The following CEP89 variants were observed in gnomAD, a reference collection of about 807,000 sequenced individuals.
CEP89 encodes the protein centrosomal protein of 89 kDa.
CEP89 carries 95 observed loss-of-function variants against 97.6 expected under a neutral mutation model. The ratio of observed to expected loss-of-function variants is 0.97; its 90% CI spans 0.82 to 1.15. The LOEUF (loss-of-function observed/expected upper bound fraction) is 1.15. Among genes scored for constraint, CEP89 ranks in the 50% most tolerant of loss-of-function variants. The probability of loss-of-function intolerance (pLI) is 0.00; values close to 1 mark genes in which losing one functional copy is unlikely to be tolerated. For missense variants in CEP89, 869 were observed against 947.7 expected (o/e 0.92, Z 1.09); for synonymous variants, 354 against 349.1 (o/e 1.01, Z -0.16).
chr19:32,933,641 A>G lies in CEP89; in HGVS notation c.696T>C (p.Tyr232=), dbSNP rs753975093. The part of the protein sequence containing the change: ...PDITGRARQR[Y]TEITREKFEA... ...CAAACTTTTCTCTGGTTATTTCTGT[A>G]TATCTTTGACGTGCTCTACCAGTTA... Residue 232 remains tyrosine (Y), a synonymous_variant, in exon 8 of 19, where the codon TAT becomes TAC. Transcript: ENST00000305768. 8.7e-6 allele frequency: 14 copies of G among 1,611,972 alleles called. No individual in the cohort carries two copies. The South Asian group carries it at 1.2e-4, about 14-fold the overall frequency.
intron 4 of CEP89, among the ~76,000 whole-genome samples, chr19:32,950,693 G>C (rs1450908388): frequency 6.6e-6 from 1 of 152,156 alleles, no homozygotes; most frequent in Non-Finnish European, 1.5e-5. Flanking sequence ...ATACCCACCA[G>C]AAATACACAA....
chr19:32,915,631 A>C (rs189373385), intron 13 of CEP89, 114 bp from the exon 14 acceptor site: 16 of 1,017,364 alleles, frequency 1.6e-5, no homozygotes, highest in Non-Finnish European at 2.2e-5. Flanking sequence ...CCTTTTAAAG[A>C]TCTTTTGAGC....
chr19:32,956,964 G>A (rs1387934831), intron 3 of CEP89, among the ~76,000 whole-genome samples: 1 of 152,082 alleles, frequency 6.6e-6, no homozygotes, highest in African/African-American at 2.4e-5. Context: ...TGACTTAGGC[G>A]AGGCTCAAAG....
intron 17 of CEP89, 70 bp from the exon 18 acceptor site, chr19:32,882,083 T>C: frequency 7.4e-7 from 1 of 1,351,108 alleles, no homozygotes; most frequent in Non-Finnish European, 1.0e-6. Context: ...CTCCTGGCTG[T>C]GCTCCCTACC....
chr19:32,938,099 A>G (rs1412794354), intron 6 of CEP89, among the ~76,000 whole-genome samples: 3 of 151,456 alleles, frequency 2.0e-5, no homozygotes, highest in Non-Finnish European at 4.4e-5. Context: ...TGGTCTCCCA[A>G]CATGCTGGGA....
chr19:32,963,653 G>A (rs1363508526), intron 2 of CEP89: 1 of 152,246 alleles, frequency 6.6e-6, no homozygotes, highest in Non-Finnish European at 1.5e-5. Flanking sequence ...AATTTTCCAT[G>A]AAAGAGCTAG....
Position 32,901,186 on chromosome 19 carries a change from C to A in CEP89, c.1733+59G>T, listed in dbSNP as rs969676098. On this transcript the variant is annotated intron_variant, in intron 15 of 18. Transcript: ENST00000305768. ...CAGGAGTGAGCCACTGTACCCAGAC[C>A]ATTTGTCTTTTTTAACTATTGAAAA... 2.3e-5 allele frequency: 35 copies of A among 1,535,934 alleles called. No homozygotes were observed. The East Asian group carries it at 7.4e-4, about 33-fold the overall frequency.
intron 6 of CEP89, among the ~76,000 whole-genome samples, chr19:32,938,002 A>ATTT (rs35418144): frequency 8.4e-6 from 1 of 119,306 alleles, no homozygotes; most frequent in Non-Finnish European, 1.7e-5. Flanking sequence ...ATCACACCTA[A>ATTT]TTTTTTTTTT....
chr19:32,938,896 G>A (rs1240372689), intron 6 of CEP89, among the ~76,000 whole-genome samples: 1 of 152,176 alleles, frequency 6.6e-6, no homozygotes, highest in African/African-American at 2.4e-5. Flanking sequence ...GTTGCAGTGA[G>A]CCGAGACTGC....
chr19:32,908,758 T>A (rs1325253390), intron 14 of CEP89, among the ~76,000 whole-genome samples: 1 of 152,154 alleles, frequency 6.6e-6, no homozygotes, highest in Non-Finnish European at 1.5e-5. Flanking sequence ...CACTGATTTA[T>A]CAGCAAAGCA....
chr19:32,903,882 C>T (rs181503064), intron 14 of CEP89, among the ~76,000 whole-genome samples: 4 of 152,122 alleles, frequency 2.6e-5, no homozygotes, highest in African/African-American at 9.7e-5. Context: ...CCATGCTGGC[C>T]GGGTGTGGGG....
intron 3 of CEP89, among the ~76,000 whole-genome samples, chr19:32,954,082 C>T (rs1970996261): frequency 6.6e-6 from 1 of 151,846 alleles, no homozygotes; most frequent in Non-Finnish European, 1.5e-5. Flanking sequence ...ACCCTGTTAG[C>T]CACGGTGGTC....
At chr19:32,960,109 G>C in intron 2 of CEP89, 51 bp from the exon 3 acceptor site, 2 of 1,598,058 alleles carry the variant, frequency 1.3e-6, no homozygotes, top group Non-Finnish European at 1.7e-6. Context: ...CATTCCAGGT[G>C]AATGCTGAAC....
At chr19:32,931,936 C>T (rs1332810485) in intron 8 of CEP89, among the ~76,000 whole-genome samples, 1 of 152,194 alleles carries the variant, frequency 6.6e-6, no homozygotes, top group Non-Finnish European at 1.5e-5. Context: ...AATCCCAGCA[C>T]TTTGGGAGGC....
chr19:32,937,712 A>G (rs1266685031), intron 6 of CEP89, 39 bp from the exon 7 acceptor site: 12 of 1,508,424 alleles, frequency 8.0e-6, no homozygotes, highest in Non-Finnish European at 1.1e-5. Flanking sequence ...AGTGCAGAGC[A>G]TTAGTGTTTT....
chr19:32,921,534 C>T (rs187188416), intron 12 of CEP89, among the ~76,000 whole-genome samples: 62 of 152,316 alleles, frequency 4.1e-4, no homozygotes, highest in Non-Finnish European at 7.3e-4. Context: ...GGGAACACTG[C>T]GGGGCTGTGG....
intron 5 of CEP89, among the ~76,000 whole-genome samples, chr19:32,944,735 A>T (rs1970760857): frequency 6.6e-6 from 1 of 152,234 alleles, no homozygotes; most frequent in African/African-American, 2.4e-5. Flanking sequence ...GTCCACGAGC[A>T]TGAATTTGGC....
rs570077988 is a variant in CEP89, at chr19:32,908,445, T to C, written c.1565+6892A>G. 2.4e-4 allele frequency among the ~76,000 whole-genome samples: 37 copies of C among 152,308 alleles called. 2 individuals are homozygous for C. The South Asian group carries it at 6.4e-3, about 26-fold the overall frequency. On this transcript the variant is annotated intron_variant, in intron 14 of 18. Transcript: ENST00000305768. ...AATGAGAAGGATGGAGCCGGGAGTGTGACCCTAATGGGCTGTCCCGCGGAA... is the reference window on the plus strand; with the variant it reads ...AATGAGAAGGATGGAGCCGGGAGTGCGACCCTAATGGGCTGTCCCGCGGAA...
chr19:32,920,194 C>T (rs1278468605), intron 12 of CEP89, among the ~76,000 whole-genome samples: 7 of 151,978 alleles, frequency 4.6e-5, no homozygotes, highest in South Asian at 2.1e-4. Flanking sequence ...CATGCCATCA[C>T]GCCCAGCTAA....
Sources: allele counts gnomAD v4.1 joint callset (sites outside exome capture counted in the v4.1 genomes callset), GRCh38; gene constraint gnomAD v4.1.1; transcripts MANE v1.5; gene names NCBI Gene and HGNC (gene_info 2026-07-23, HGNC 2026-07-21).